Variants in TMEM265 observed in about 807,000 individuals in gnomAD.
The protein encoded by TMEM265 is transmembrane protein 265.
Under a neutral mutation model 9.5 loss-of-function variants are expected in TMEM265, and 8 were observed. The ratio of observed to expected loss-of-function variants is 0.84; its 90% CI spans 0.49 to 1.52. The LOEUF is 1.52. TMEM265 is among the 40% of genes most tolerant of loss of function. The pLI is 0.00. For missense variants in TMEM265, 152 were observed against 146.2 expected (o/e 1.04, Z -0.21); for synonymous variants, 53 against 56.9 (o/e 0.93, Z 0.31).
At chr16:30,742,693 C>T (rs7186930) in intron 2 of TMEM265, among the ~76,000 whole-genome samples, 2,479 of 151,738 alleles carry the variant, frequency 0.016, 56 homozygotes, top group African/African-American at 0.053. Context: ...TTTGGGAGGC[C>T]GAGGTGGGCA....
Position 30,745,183 on chromosome 16 carries a change from G to A in TMEM265, c.*1240G>A, listed in dbSNP as rs964394512. The stretch of plus-strand genomic sequence containing the variant: ...TTTTCATGTTAACATTGTGAGATTC[G>A]TCAATATTTGGAATAGGTGTAGTTT... On this transcript the variant is annotated 3_prime_UTR_variant, in exon 3 of 3. Coordinates refer to ENST00000615541, the MANE Select transcript of TMEM265 (RefSeq NM_001256829.2). 11 of 152,112 alleles carry A rather than the reference G, an allele frequency of 7.2e-5. No homozygotes were observed. Among genetic ancestry groups the A allele is most frequent in the Admixed American group, 3.3e-4 (5 of 15,282 alleles). 9.4% of individuals were successfully genotyped at this position (152,112 alleles called of 1,614,324 possible).
In TMEM265 at chr16:30,744,203, A is replaced by C. The variant is rs2053242709; in HGVS notation, c.*260A>C. ...TACCCTAGCCCACCCTAGGGCCTCT[A>C]CCCAGCGGGAGGGGTTGAAGACCAG... On this transcript the variant is annotated 3_prime_UTR_variant, in exon 3 of 3. Transcript: ENST00000615541. 5.5e-6 allele frequency: 2 copies of C among 366,504 alleles called. No individual in the cohort carries two copies. The highest frequency in any genetic ancestry group is 9.7e-6 in the Non-Finnish European group (2 of 206,444). 22.7% of individuals were successfully genotyped at this position (366,504 alleles called of 1,614,324 possible). A position where few individuals can be genotyped will look rare whatever the true frequency, so the allele number is the denominator to read the frequency against.
Position 30,744,061 on chromosome 16 carries a change from C to A in TMEM265, c.*118C>A. 8.2e-7 allele frequency: 1 copy of A among 1,216,142 alleles called. No individual in the cohort carries two copies. Among genetic ancestry groups the A allele is most frequent in the Non-Finnish European group, 1.1e-6 (1 of 896,056 alleles). 75.3% of individuals were successfully genotyped at this position (1,216,142 alleles called of 1,614,324 possible). On this transcript the variant is annotated 3_prime_UTR_variant, in exon 3 of 3. Coordinates refer to ENST00000615541, the MANE Select transcript of TMEM265 (RefSeq NM_001256829.2). ...TCCTGGTTGGAAGGATGGGGACTCT[C>A]TCAAGGGGCTTTGGAAGAGCTCTTC...
Position 30,744,166 on chromosome 16 carries a change from C to G in TMEM265, c.*223C>G, listed in dbSNP as rs1199455388. ...GCTCTGTTCTTTCAGGGCCCCCCAC[C>G]CCCATCTCCCCTACCCTAGCCCACC... On this transcript the variant is annotated 3_prime_UTR_variant, in exon 3 of 3. Coordinates refer to ENST00000615541, the MANE Select transcript of TMEM265 (RefSeq NM_001256829.2). 2 of 472,870 alleles carry G rather than the reference C, an allele frequency of 4.2e-6. No individual in the cohort carries two copies. Among genetic ancestry groups the G allele is most frequent in the Non-Finnish European group, 7.3e-6 (2 of 275,782 alleles). 29.3% of individuals were successfully genotyped at this position (472,870 alleles called of 1,614,324 possible). A position where few individuals can be genotyped will look rare whatever the true frequency, so the allele number is the denominator to read the frequency against.
In TMEM265 at chr16:30,743,777, C is replaced by G. The variant is rs757134752; in HGVS notation, c.166-5C>G. The G allele has an allele frequency of 1.3e-6, 2 of 1,521,022 alleles. No individual in the cohort carries two copies. Among genetic ancestry groups the G allele is most frequent in the Non-Finnish European group, 1.8e-6 (2 of 1,138,060 alleles). 94.2% of individuals were successfully genotyped at this position (1,521,022 alleles called of 1,614,324 possible). A position where few individuals can be genotyped will look rare whatever the true frequency, so the allele number is the denominator to read the frequency against. On this transcript the variant is annotated splice_region_variant and splice_polypyrimidine_tract_variant and intron_variant, in intron 2 of 2. Transcript: ENST00000615541. ...GAGAACCTAACCAAGAACCTGCCCCCACAGGCGGAAGAGCGGCATAAAGCA... is the reference window on the plus strand; with the variant it reads ...GAGAACCTAACCAAGAACCTGCCCCGACAGGCGGAAGAGCGGCATAAAGCA...
chr16:30,743,809 T>G lies in TMEM265; in HGVS notation c.193T>G (p.Ser65Ala). Residue 65 changes from serine to alanine, a missense_variant, in exon 3 of 3, where the codon TCC becomes GCC. Ser to Ala is a moderately conservative substitution (Grantham distance 99). Transcript: ENST00000615541. The stretch of plus-strand genomic sequence containing the variant: ...GGAAGAGCGGCATAAAGCAGGCCGG[T>G]CCGAGGAGGCAGTGCGCTGGGGGGC... The part of the protein sequence containing the change: ...KAEERHKAGR[S>A]EEAVRWGARA... 1 of 1,533,272 alleles carries G rather than the reference T, an allele frequency of 6.5e-7. No homozygotes were observed. The highest frequency in any genetic ancestry group is 8.7e-7 in the Non-Finnish European group (1 of 1,146,384). The allele number at this position is 1,533,272 out of a possible 1,614,324, so 95.0% of individuals were successfully genotyped here.
chr16:30,741,627 C>T (rs1408548217), intron 1 of TMEM265, 114 bp from the exon 2 acceptor site: 10 of 1,178,858 alleles, frequency 8.5e-6, no homozygotes, highest in South Asian at 1.7e-5. Context: ...GGCAACATTC[C>T]TGAGTGCCAG....
chr16:30,741,697 G>A, intron 1 of TMEM265, 44 bp from the exon 2 acceptor site: 2 of 1,505,874 alleles, frequency 1.3e-6, no homozygotes. Flanking sequence ...CAAGGCCAAG[G>A]GCTCTGTTGT....
In TMEM265 at chr16:30,744,066, G is replaced by A. The variant is rs2053241826; in HGVS notation, c.*123G>A. ...GTTGGAAGGATGGGGACTCTCTCAA[G>A]GGGCTTTGGAAGAGCTCTTCTAGCC... On this transcript the variant is annotated 3_prime_UTR_variant, in exon 3 of 3. Coordinates refer to ENST00000615541, the MANE Select transcript of TMEM265 (RefSeq NM_001256829.2). 1.7e-6 allele frequency: 2 copies of A among 1,200,478 alleles called. No homozygotes were observed. 74.4% of individuals were successfully genotyped at this position (1,200,478 alleles called of 1,614,324 possible).
chr16:30,743,566 G>A (rs1406948586), intron 2 of TMEM265, among the ~76,000 whole-genome samples: 2 of 152,286 alleles, frequency 1.3e-5, no homozygotes, highest in Non-Finnish European at 2.9e-5. Flanking sequence ...TCCCATAGGC[G>A]ATCTTGTGAG....
rs1353361765 is a variant in TMEM265 at position 30,745,059 on chromosome 16, T to G, written c.*1116T>G. ...CCTTTATACTCCTCCCAATCACTGC[T>G]ACTTCCTTTCTTCCCACAGGTAACC... On this transcript the variant is annotated 3_prime_UTR_variant, in exon 3 of 3. Coordinates refer to ENST00000615541, the MANE Select transcript of TMEM265 (RefSeq NM_001256829.2). 1 of 152,252 alleles carries G rather than the reference T, an allele frequency of 6.6e-6. No individual in the cohort carries two copies. The highest frequency in any genetic ancestry group is 1.5e-5 in the Non-Finnish European group (1 of 68,036). The allele number at this position is 152,252 out of a possible 1,614,324, so 9.4% of individuals were successfully genotyped here.
At chr16:30,741,051 G>A (rs1336585117) in intron 1 of TMEM265, 1 of 152,228 alleles carries the variant, frequency 6.6e-6, no homozygotes, top group Non-Finnish European at 1.5e-5. Context: ...AGGTTTCTGT[G>A]TGGTAATGAG....
At chr16:30,743,493 C>A (rs1188950294) in intron 2 of TMEM265, among the ~76,000 whole-genome samples, 1 of 152,196 alleles carries the variant, frequency 6.6e-6, no homozygotes, top group African/African-American at 2.4e-5. Flanking sequence ...CCAATAGTTA[C>A]AAATTCTGAA....
chr16:30,744,158 C>T lies in TMEM265; in HGVS notation c.*215C>T, dbSNP rs971393726. The T allele has an allele frequency of 8.1e-6, 4 of 493,602 alleles. No homozygotes were observed. The highest frequency in any genetic ancestry group is 3.9e-5 in the African/African-American group (2 of 51,562). The allele number at this position is 493,602 out of a possible 1,614,324, so 30.6% of individuals were successfully genotyped here. A position where few individuals can be genotyped will look rare whatever the true frequency, so the allele number is the denominator to read the frequency against. ...GGCAGCCTGCTCTGTTCTTTCAGGG[C>T]CCCCCACCCCCATCTCCCCTACCCT... On this transcript the variant is annotated 3_prime_UTR_variant, in exon 3 of 3. Coordinates refer to ENST00000615541, the MANE Select transcript of TMEM265 (RefSeq NM_001256829.2).
intron 2 of TMEM265, among the ~76,000 whole-genome samples, chr16:30,742,572 A>G (rs1022121278): frequency 4.6e-5 from 7 of 152,218 alleles, no homozygotes; most frequent in African/African-American, 1.7e-4. Flanking sequence ...CGCAATCTCT[A>G]GGAGTCTGAA....
Position 30,744,031 on chromosome 16 carries a change from A to G in TMEM265, c.*88A>G. On this transcript the variant is annotated 3_prime_UTR_variant, in exon 3 of 3. Coordinates refer to ENST00000615541, the MANE Select transcript of TMEM265 (RefSeq NM_001256829.2). ...AAGGTCCTGTGACAGCAGTGGTTGG[A>G]AGGATCCTGGTTGGAAGGATGGGGA... 7.0e-7 allele frequency: 1 copy of G among 1,423,236 alleles called. No homozygotes were observed. The highest frequency in any genetic ancestry group is 1.4e-5 in the South Asian group (1 of 73,168). The allele number at this position is 1,423,236 out of a possible 1,614,324, so 88.2% of individuals were successfully genotyped here. A position where few individuals can be genotyped will look rare whatever the true frequency, so the allele number is the denominator to read the frequency against.
chr16:30,741,618 G>A (rs1335911097), intron 1 of TMEM265, 123 bp from the exon 2 acceptor site: 2 of 1,072,386 alleles, frequency 1.9e-6, no homozygotes, highest in African/African-American at 1.6e-5. Context: ...CCCCAGTAAG[G>A]CAACATTCCT....
At chr16:30,742,552 C>T (rs1049687707) in intron 2 of TMEM265, among the ~76,000 whole-genome samples, 4 of 152,148 alleles carry the variant, frequency 2.6e-5, no homozygotes, top group East Asian at 1.9e-4. Flanking sequence ...GGCCGCTGAA[C>T]GGTGATGAGC....
chr16:30,742,016 C>A, intron 2 of TMEM265, 108 bp downstream of exon 2: 3 of 1,165,132 alleles, frequency 2.6e-6, no homozygotes, highest in South Asian at 1.6e-5. Flanking sequence ...GTGCTCTGGG[C>A]CTAGTGCCAG....
Sources: gnomAD v4.1 joint callset for allele counts (sites outside exome capture counted in the v4.1 genomes callset) on GRCh38, gnomAD v4.1.1 for gene constraint, MANE v1.5 for transcripts, NCBI Gene and HGNC (gene_info 2026-07-23, HGNC 2026-07-21) for gene names.